CALCR: variants seen among roughly 807,000 people sequenced by gnomAD.
CALCR encodes the protein calcitonin receptor.
Under a neutral mutation model 59.5 loss-of-function variants are expected in CALCR, and 47 were observed. That is an observed-to-expected ratio of 0.79 (90% CI 0.63 to 1.01). CALCR has a LOEUF of 1.01. CALCR is among the 50% of genes least tolerant of loss of function. CALCR has a pLI of 0.00. For synonymous variants in CALCR, 213 were observed against 211.3 expected (o/e 1.01, Z -0.07); for missense variants, 566 against 597.1 (o/e 0.95, Z 0.54).
At chr7:93,503,920 T>A (rs753065829) in intron 2 of CALCR, among the ~76,000 whole-genome samples, 2 of 152,164 alleles carry the variant, frequency 1.3e-5, no homozygotes, top group African/African-American at 2.4e-5. Context: ...ATTCATGATA[T>A]CAACAGCAAG....
intron 7 of CALCR, 49 bp from the exon 8 acceptor site, chr7:93,460,996 G>A (rs1014108999): frequency 2.7e-6 from 4 of 1,488,732 alleles, no homozygotes; most frequent in Non-Finnish European, 3.6e-6. Context: ...AAATGTTGGA[G>A]TACCTGGAAA....
At chr7:93,429,923 TTTGTTTGTTTGTTTTTTTG>T (rs1799614564) in intron 13 of CALCR, among the ~76,000 whole-genome samples, 2 of 86,200 alleles carry the variant, frequency 2.3e-5, no homozygotes, top group Non-Finnish European at 4.6e-5. Flanking sequence ...GGTTTTTTTT[TTTGTTTGTTTGTTTTTTTG>T]TTTTTTTTTG....
At chr7:93,467,807 A>G (rs1800471485) in intron 7 of CALCR, among the ~76,000 whole-genome samples, 3 of 151,596 alleles carry the variant, frequency 2.0e-5, no homozygotes, top group Non-Finnish European at 4.4e-5. Context: ...ACTACCAATA[A>G]TAATAATAAT....
chr7:93,468,886 T>C (rs1800495199), intron 6 of CALCR, 80 bp from the exon 7 acceptor site: 3 of 716,532 alleles, frequency 4.2e-6, no homozygotes, highest in East Asian at 3.0e-5. Context: ...TCTAAATATA[T>C]GTAAATCAAC....
chr7:93,490,296 T>TGA (rs1801045421), intron 2 of CALCR, among the ~76,000 whole-genome samples: 1 of 151,846 alleles, frequency 6.6e-6, no homozygotes, highest in African/African-American at 2.4e-5. Flanking sequence ...ACAGCCAATA[T>TGA]CACATTGAAT....
chr7:93,502,892 T>C (rs1171932689), intron 2 of CALCR, among the ~76,000 whole-genome samples: 3 of 152,040 alleles, frequency 2.0e-5, no homozygotes, highest in Non-Finnish European at 4.4e-5. Context: ...TATTTATATA[T>C]GAATAGAAAA....
At chr7:93,466,956 G>T (rs1220694532) in intron 7 of CALCR, among the ~76,000 whole-genome samples, 4 of 151,638 alleles carry the variant, frequency 2.6e-5, no homozygotes, top group African/African-American at 4.8e-5. Context: ...GAGAAATAAA[G>T]AATTAAGATC....
chr7:93,429,926 G>GTT (rs370223680), intron 13 of CALCR, among the ~76,000 whole-genome samples: 17,266 of 101,112 alleles, frequency 0.17, 1,478 homozygotes, highest in East Asian at 0.33. Context: ...TTTTTTTTTT[G>GTT]TTTGTTTGTT....
intron 2 of CALCR, among the ~76,000 whole-genome samples, chr7:93,534,743 T>C (rs1349327397): frequency 6.6e-6 from 1 of 151,684 alleles, no homozygotes; most frequent in Non-Finnish European, 1.5e-5. Context: ...CATTTTCCAG[T>C]CAAATCATTG....
intron 2 of CALCR, among the ~76,000 whole-genome samples, chr7:93,489,944 G>C (rs1222725138): frequency 6.6e-6 from 1 of 151,900 alleles, no homozygotes; most frequent in Non-Finnish European, 1.5e-5. Context: ...AATCCGGGCA[G>C]AGACACAACA....
intron 12 of CALCR, among the ~76,000 whole-genome samples, chr7:93,435,344 C>T (rs1470386408): frequency 6.6e-6 from 1 of 152,140 alleles, no homozygotes; most frequent in Non-Finnish European, 1.5e-5. Flanking sequence ...GAAGATCTGA[C>T]AATTTCTGTA....
At chr7:93,538,486 G>C (rs760552576) in intron 2 of CALCR, among the ~76,000 whole-genome samples, 1 of 151,980 alleles carries the variant, frequency 6.6e-6, no homozygotes, top group Non-Finnish European at 1.5e-5. Context: ...TGCATGCTCA[G>C]ATCTTCCCTC....
chr7:93,450,489 CTT>C (rs1800087415), intron 8 of CALCR, among the ~76,000 whole-genome samples: 1 of 151,990 alleles, frequency 6.6e-6, no homozygotes, highest in Admixed American at 6.6e-5. Context: ...TTCTCTGACT[CTT>C]TTCTTTTTGA....
intron 2 of CALCR, among the ~76,000 whole-genome samples, chr7:93,535,178 A>G (rs141307686): frequency 1.5e-3 from 221 of 151,822 alleles, no homozygotes; most frequent in Admixed American, 4.7e-3. Context: ...CTATTATTGA[A>G]TCTTGCTGAC....
At chr7:93,541,415 G>A (rs1033166320) in intron 2 of CALCR, among the ~76,000 whole-genome samples, 3 of 151,766 alleles carry the variant, frequency 2.0e-5, no homozygotes, top group African/African-American at 4.8e-5. Flanking sequence ...CGCCTGCCTC[G>A]GCCTCCCAAA....
chr7:93,451,741 A>G (rs1460215810), intron 8 of CALCR, among the ~76,000 whole-genome samples: 1 of 151,980 alleles, frequency 6.6e-6, no homozygotes, highest in Non-Finnish European at 1.5e-5. Flanking sequence ...TATTTATTTA[A>G]GCATAATAAT....
chr7:93,443,628 G>A lies in CALCR; in HGVS notation c.778C>T (p.Arg260Trp), dbSNP rs144902080. 108 of 1,613,194 alleles carry A rather than the reference G, an allele frequency of 6.7e-5. 1 individual carries two copies. Among genetic ancestry groups the A allele is most frequent in the Middle Eastern group, 6.6e-4 (4 of 6,054 alleles). The change falls in exon 9 of 14, where the codon CGG becomes TGG. Residue 260 changes from arginine to tryptophan, a missense_variant. Transcript: ENST00000426151. ...CCCCAGCCCAAGAGATAATACCACC[G>A]CAAGCGTTGCTTCTCAGTAAACACA... ...VAVFTEKQRL[R>W]WYYLLGWGFP...
rs187216832 is a variant in CALCR at position 93,568,162 on chromosome 7, G to A, written c.-27+6127C>T. Among the ~76,000 whole-genome samples, 13 of 152,106 alleles carry A rather than the reference G, an allele frequency of 8.5e-5. No individual in the cohort carries two copies. The East Asian group carries it at 2.3e-3, about 27-fold the overall frequency. Reference sequence around the variant, plus strand: ...GGACCTCTGGAAACTCTAAAACAAGGGATATCAATCATGATGTGATATGAC... The same window carrying A: ...GGACCTCTGGAAACTCTAAAACAAGAGATATCAATCATGATGTGATATGAC... On this transcript the variant is annotated intron_variant, in intron 2 of 13. Transcript: ENST00000426151.
chr7:93,469,724 T>C (rs915740243), intron 6 of CALCR, among the ~76,000 whole-genome samples: 1 of 151,824 alleles, frequency 6.6e-6, no homozygotes, highest in African/African-American at 2.4e-5. Flanking sequence ...TGGTGAAGCA[T>C]AATTTGTGTA....
Sources: gnomAD v4.1 joint callset for allele counts (sites outside exome capture counted in the v4.1 genomes callset) on GRCh38, gnomAD v4.1.1 for gene constraint, MANE v1.5 for transcripts, NCBI Gene and HGNC (gene_info 2026-07-23, HGNC 2026-07-21) for gene names.